Variants in CHIC1 observed in about 807,000 individuals in gnomAD.
CHIC1 encodes cysteine rich hydrophobic domain 1, also known as cysteine-rich hydrophobic domain-containing protein 1.
A neutral mutation model predicts 18.5 loss-of-function variants in CHIC1; 7 were observed. The ratio of observed to expected loss-of-function variants is 0.38; its 90% CI spans 0.22 to 0.71. The LOEUF is 0.71. Ranked by LOEUF, CHIC1 falls within the 30% of genes least tolerant of loss-of-function variation. The pLI is 0.49. For synonymous variants in CHIC1, 77 were observed against 73.5 expected (o/e 1.05, Z -0.25); for missense variants, 159 against 176.9 (o/e 0.90, Z 0.57).
intron 3 of CHIC1, among the ~76,000 whole-genome samples, chrX:73,636,791 CTATT>C (rs947227866): frequency 9.0e-6 from 1 of 110,671 alleles, no homozygotes; most frequent in Admixed American, 9.7e-5. Flanking sequence ...TACAGAATCT[CTATT>C]TATATATATA....
At chrX:73,583,974 A>G (rs1338551569) in intron 2 of CHIC1, among the ~76,000 whole-genome samples, 1 of 111,092 alleles carries the variant, frequency 9.0e-6, no homozygotes, top group Non-Finnish European at 1.9e-5. Context: ...TTTCAAAGTA[A>G]TCCAGGAGTA....
At chrX:73,568,190 G>A (rs1333621986) in intron 1 of CHIC1, among the ~76,000 whole-genome samples, 1 of 111,812 alleles carries the variant, frequency 8.9e-6, no homozygotes, top group Admixed American at 9.5e-5. Context: ...AGTATCACCA[G>A]TGATGGCGTT....
intron 2 of CHIC1, among the ~76,000 whole-genome samples, 182 bp downstream of exon 2, chrX:73,577,643 A>G (rs750394544): frequency 2.7e-5 from 3 of 110,197 alleles, no homozygotes; most frequent in Non-Finnish European, 5.8e-5. Context: ...CTGACCAGTT[A>G]TTTTGTTCAT....
chrX:73,635,806 T>C (rs1341778119), intron 3 of CHIC1, among the ~76,000 whole-genome samples: 1 of 111,982 alleles, frequency 8.9e-6, no homozygotes, highest in Non-Finnish European at 1.9e-5. Context: ...AACTAACTTT[T>C]GGGTTATCCT....
At chrX:73,645,938 C>T (rs376177289) in intron 3 of CHIC1, among the ~76,000 whole-genome samples, 12 of 111,486 alleles carry the variant, frequency 1.1e-4, no homozygotes, top group South Asian at 3.8e-4. Context: ...TTGTTGCCTG[C>T]GCTTTTACCA....
rs529599247 is a variant in CHIC1, at chrX:73,593,146, A to C, written c.507+8574A>C. 1.5e-4 allele frequency among the ~76,000 whole-genome samples: 17 copies of C among 111,108 alleles called. No individual in the cohort carries two copies. The South Asian group carries it at 6.1e-3, about 40-fold the overall frequency. Reference sequence around the variant, plus strand: ...ATCTACAGATCTTGTTTATCCCTTCAAAAAACCAACTTTTGGTTTCATTGA... The same window carrying C: ...ATCTACAGATCTTGTTTATCCCTTCCAAAAACCAACTTTTGGTTTCATTGA... On this transcript the variant is annotated intron_variant, in intron 3 of 5. Transcript: ENST00000373502.
chrX:73,567,920 G>T (rs1195987904), intron 1 of CHIC1, among the ~76,000 whole-genome samples: 1 of 109,845 alleles, frequency 9.1e-6, no homozygotes, highest in Non-Finnish European at 1.9e-5. Context: ...ACCACCTTCT[G>T]CAAGTCTTCT....
intron 1 of CHIC1, among the ~76,000 whole-genome samples, chrX:73,571,602 G>C (rs895963952): frequency 3.6e-5 from 4 of 110,903 alleles, no homozygotes; most frequent in Non-Finnish European, 5.7e-5. Flanking sequence ...TTTCAGTTTA[G>C]CTATACTCTT....
At chrX:73,613,738 A>G (rs7885189) in intron 3 of CHIC1, among the ~76,000 whole-genome samples, 5,252 of 111,136 alleles carry the variant, frequency 0.047, 320 homozygotes, top group African/African-American at 0.16. Context: ...CTATTGGTAG[A>G]TGAGAGCTTA....
rs781568900 is a variant in CHIC1 at position 73,673,387 on chromosome X, A to T, written c.508-5939A>T. On this transcript the variant is annotated intron_variant, in intron 3 of 5. Transcript: ENST00000373502. The stretch of plus-strand genomic sequence containing the variant: ...GATTCTTCCTACCCATGAGCATGGA[A>T]TGTTCTTCCATTTGTTTGTTTCCTC... Among the ~76,000 whole-genome samples the T allele has an allele frequency of 3.6e-5, 4 of 111,765 alleles. No homozygotes were observed. The East Asian group carries it at 1.1e-3, about 31-fold the overall frequency.
At chrX:73,653,069 T>G (rs1192321536) in intron 3 of CHIC1, among the ~76,000 whole-genome samples, 1 of 111,906 alleles carries the variant, frequency 8.9e-6, no homozygotes, top group South Asian at 3.8e-4. Flanking sequence ...TTATTTCCTT[T>G]GCAGGGACAT....
chrX:73,622,690 G>A (rs933001862), intron 3 of CHIC1, among the ~76,000 whole-genome samples: 3 of 111,187 alleles, frequency 2.7e-5, no homozygotes, highest in Admixed American at 9.6e-5. Context: ...GTCTCCTCCA[G>A]TTCTTCTCTG....
intron 3 of CHIC1, among the ~76,000 whole-genome samples, chrX:73,608,236 G>A (rs770009644): frequency 1.2e-4 from 13 of 108,597 alleles, no homozygotes; most frequent in Admixed American, 4.8e-4. Context: ...TTCTAGGCTC[G>A]GTGTTCTATT....
chrX:73,625,844 A>G (rs923383206), intron 3 of CHIC1, among the ~76,000 whole-genome samples: 4 of 110,793 alleles, frequency 3.6e-5, no homozygotes, highest in African/African-American at 1.3e-4. Flanking sequence ...CTCTAGAGAA[A>G]GTGCTTTAAC....
intron 3 of CHIC1, among the ~76,000 whole-genome samples, chrX:73,667,636 G>A (rs1300539103): frequency 9.0e-6 from 1 of 111,255 alleles, no homozygotes; most frequent in Non-Finnish European, 1.9e-5. Flanking sequence ...CATGAATTTG[G>A]GGGTTGGAAA....
At chrX:73,572,080 A>G (rs2057473502) in intron 1 of CHIC1, among the ~76,000 whole-genome samples, 1 of 111,158 alleles carries the variant, frequency 9.0e-6, no homozygotes, top group African/African-American at 3.3e-5. Context: ...ATAGTACCCA[A>G]TAGGTAGTTT....
At chrX:73,680,227 T>C (rs1216395915) in intron 5 of CHIC1, among the ~76,000 whole-genome samples, 1 of 110,060 alleles carries the variant, frequency 9.1e-6, no homozygotes, top group African/African-American at 3.3e-5. Context: ...ATGTGATCAA[T>C]TTAGCATAAT....
intron 3 of CHIC1, among the ~76,000 whole-genome samples, chrX:73,616,650 G>T (rs1176871583): frequency 9.0e-6 from 1 of 111,499 alleles, no homozygotes; most frequent in Admixed American, 9.5e-5. Context: ...TGACTCTTGT[G>T]CACGCACAGG....
At chrX:73,599,875 C>A (rs1184026553) in intron 3 of CHIC1, among the ~76,000 whole-genome samples, 1 of 101,023 alleles carries the variant, frequency 9.9e-6, no homozygotes, top group Non-Finnish European at 2.0e-5. Context: ...TGAAGAAAGT[C>A]ATTGGTAGCT....
Sources: gnomAD v4.1 joint callset for allele counts (sites outside exome capture counted in the v4.1 genomes callset) on GRCh38, gnomAD v4.1.1 for gene constraint, MANE v1.5 for transcripts, NCBI Gene and HGNC (gene_info 2026-07-23, HGNC 2026-07-21) for gene names.